The following MRC1 variants were observed in gnomAD, a reference collection of about 807,000 sequenced individuals.
MRC1 encodes the protein macrophage mannose receptor 1.
In MRC1, 62 loss-of-function variants were observed where a neutral mutation model predicts 102.9. That is an observed-to-expected ratio of 0.60 (90% confidence interval 0.49 to 0.74). The LOEUF is 0.74. MRC1 is among the 30% of genes least tolerant of loss of function. MRC1 has a pLI of 0.00. For missense variants in MRC1, 1,237 were observed against 862.8 expected (o/e 1.43, Z -5.43); for synonymous variants, 457 against 298.4 (o/e 1.53, Z -5.48).
chr10:17,902,250 G>A (rs907320228), intron 26 of MRC1, 128 bp downstream of exon 26: 3 of 638,048 alleles, frequency 4.7e-6, no homozygotes, highest in Non-Finnish European at 8.5e-6. Context: ...TTTTATAACA[G>A]AATGGCCAAT....
intron 9 of MRC1, among the ~76,000 whole-genome samples, chr10:17,856,769 G>A (rs1010681780): frequency 5.3e-5 from 8 of 152,084 alleles, no homozygotes; most frequent in Admixed American, 2.0e-4. Flanking sequence ...CCAAGTTGCT[G>A]ATAGCAAATG....
chr10:17,837,101 G>T (rs982313519), intron 4 of MRC1, among the ~76,000 whole-genome samples: 19,345 of 152,064 alleles, frequency 0.13, 1,776 homozygotes, highest in African/African-American at 0.27. Context: ...TCTGCTATCG[G>T]ACTCGAGCTG....
intron 21 of MRC1, among the ~76,000 whole-genome samples, chr10:17,884,743 T>C (rs1240345046): frequency 2.6e-5 from 4 of 152,324 alleles, no homozygotes; most frequent in African/African-American, 9.6e-5. Flanking sequence ...ACATGGGAAT[T>C]ATTACAATTC....
chr10:17,823,540 T>G (rs2130592070), intron 2 of MRC1, 65 bp downstream of exon 2: 1 of 776,620 alleles, frequency 1.3e-6, no homozygotes, highest in African/African-American at 1.7e-5. Flanking sequence ...GGAACCTGAT[T>G]CAAGAAAATC....
intron 4 of MRC1, among the ~76,000 whole-genome samples, chr10:17,839,843 G>GA (rs1838723409): frequency 6.6e-6 from 1 of 151,712 alleles, no homozygotes; most frequent in Non-Finnish European, 1.5e-5. Context: ...CGGATCACCT[G>GA]AGGTCAGGAG....
chr10:17,887,411 A>AAAAC (rs1334482081), intron 22 of MRC1, among the ~76,000 whole-genome samples: 3 of 152,084 alleles, frequency 2.0e-5, no homozygotes, highest in South Asian at 2.1e-4. Flanking sequence ...AAAACAAAAC[A>AAAAC]AAACAAACAA....
At chr10:17,823,660 A>G (rs1341904920) in intron 2 of MRC1, among the ~76,000 whole-genome samples, 185 bp downstream of exon 2, 3 of 152,222 alleles carry the variant, frequency 2.0e-5, no homozygotes, top group African/African-American at 7.2e-5. Context: ...AAATGTGATT[A>G]AAAAGTCCTG....
At chr10:17,906,281 C>T (rs945510407) in intron 26 of MRC1, among the ~76,000 whole-genome samples, 24 of 149,836 alleles carry the variant, frequency 1.6e-4, no homozygotes, top group East Asian at 3.9e-4. Flanking sequence ...TCTTCTGCAA[C>T]GAGACCTAAC....
intron 3 of MRC1, among the ~76,000 whole-genome samples, chr10:17,831,355 G>C (rs1405968905): frequency 4.6e-5 from 7 of 150,922 alleles, no homozygotes; most frequent in African/African-American, 1.7e-4. Flanking sequence ...TTTAAATTTA[G>C]CATTACTGAT....
chr10:17,845,015 T>A, intron 5 of MRC1: 1 of 688,402 alleles, frequency 1.5e-6, no homozygotes, highest in Non-Finnish European at 2.8e-6. Context: ...GGTGTAGCTT[T>A]ATTAGCTGAT....
intron 5 of MRC1, among the ~76,000 whole-genome samples, chr10:17,842,516 G>A (rs1838766974): frequency 6.6e-6 from 1 of 152,080 alleles, no homozygotes; most frequent in Non-Finnish European, 1.5e-5. Context: ...AAAAATTTCT[G>A]GAATATGGGA....
chr10:17,853,081 A>C lies in MRC1; in HGVS notation c.1364A>C (p.His455Pro). 6.4e-6 allele frequency: 5 copies of C among 780,878 alleles called. No individual in the cohort carries two copies. In the Middle Eastern group the frequency reaches 1.1e-3, roughly 176 times the overall value. The allele number at this position is 780,878 out of a possible 1,614,324, so 48.4% of individuals were successfully genotyped here. A position where few individuals can be genotyped will look rare whatever the true frequency, so the allele number is the denominator to read the frequency against. Reference protein sequence around the residue: ...FTKWLRGEPSHENNRQEDCVV... With the variant: ...FTKWLRGEPSPENNRQEDCVV... Reference sequence around the variant, plus strand: ...AAATGGCTTCGTGGAGAACCAAGCCATGAAAACAACAGACAGGAGGATTGT... The same window carrying C: ...AAATGGCTTCGTGGAGAACCAAGCCCTGAAAACAACAGACAGGAGGATTGT... The change falls in exon 8 of 30, where the codon CAT becomes CCT. Residue 455 changes from histidine (H) to proline (P), a missense_variant. Transcript: ENST00000569591.
chr10:17,818,267 C>G (rs1353351547), intron 1 of MRC1, among the ~76,000 whole-genome samples: 1 of 152,070 alleles, frequency 6.6e-6, no homozygotes, highest in African/African-American at 2.4e-5. Context: ...AAGATGCTTC[C>G]GCTTAATAAA....
Position 17,872,082 on chromosome 10 carries a change from T to C in MRC1, c.2300T>C (p.Ile767Thr). Residue 767 changes from isoleucine (I) to threonine (T), a missense_variant, in exon 15 of 30, where the codon ATT becomes ACT. Coordinates refer to ENST00000569591, the MANE Select transcript of MRC1 (RefSeq NM_002438.4). ...KGDPTMSWND[I>T]NCEHLNNWIC... The stretch of plus-strand genomic sequence containing the variant: ...GACCCTACTATGTCTTGGAATGATA[T>C]TAATTGTGAACACCTTAACAACTGG... 1 of 780,710 alleles carries C rather than the reference T, an allele frequency of 1.3e-6. No individual in the cohort carries two copies. The highest frequency in any genetic ancestry group is 2.4e-6 in the Non-Finnish European group (1 of 417,844). 48.4% of individuals were successfully genotyped at this position (780,710 alleles called of 1,614,324 possible).
At chr10:17,847,640 G>A (rs1364024906) in intron 6 of MRC1, among the ~76,000 whole-genome samples, 3 of 152,226 alleles carry the variant, frequency 2.0e-5, no homozygotes, top group African/African-American at 7.2e-5. Context: ...CAGGTCTCTA[G>A]GGCTGTACTC....
chr10:17,820,764 A>C (rs1838383259), intron 1 of MRC1, among the ~76,000 whole-genome samples: 1 of 152,212 alleles, frequency 6.6e-6, no homozygotes, highest in South Asian at 2.1e-4. Flanking sequence ...GTTTACATAT[A>C]TCTATGGCAA....
chr10:17,906,836 T>G (rs1833902379), intron 26 of MRC1, 50 bp from the exon 27 acceptor site: 13 of 780,382 alleles, frequency 1.7e-5, no homozygotes, highest in South Asian at 1.3e-4. Context: ...AAAAATATTT[T>G]CAGCTACTTA....
intron 10 of MRC1, 111 bp from the exon 11 acceptor site, chr10:17,863,423 A>C: frequency 1.4e-6 from 1 of 739,276 alleles, no homozygotes; most frequent in African/African-American, 1.7e-5. Context: ...TTGAATTACC[A>C]GTTCAGTTAT....
intron 12 of MRC1, among the ~76,000 whole-genome samples, chr10:17,868,614 C>G (rs1333185095): frequency 6.6e-6 from 1 of 152,202 alleles, no homozygotes; most frequent in East Asian, 1.9e-4. Context: ...AATAGTCCTG[C>G]TCTCTGTACT....
Sources: gnomAD v4.1 joint callset for allele counts (sites outside exome capture counted in the v4.1 genomes callset) on GRCh38, gnomAD v4.1.1 for gene constraint, MANE v1.5 for transcripts, NCBI Gene and HGNC (gene_info 2026-07-23, HGNC 2026-07-21) for gene names.